HDAC9: variants seen among roughly 807,000 people sequenced by gnomAD.
HDAC9 encodes MEF-2 interacting transcription repressor (MITR) protein.
A neutral mutation model predicts 139.4 loss-of-function variants in HDAC9; 41 were observed. That is an observed-to-expected ratio of 0.29 (90% confidence interval 0.23 to 0.38). The LOEUF is 0.38. Ranked by LOEUF, HDAC9 falls within the 10% of genes least tolerant of loss-of-function variation. The pLI is 1.00. For synonymous variants in HDAC9, 517 were observed against 476.2 expected, an observed-to-expected ratio of 1.09 and a Z score of -1.12; for missense variants, 1,147 against 1,297.0, an observed-to-expected ratio of 0.88 and a Z score of 1.78.
chr7:18,110,373 A>C (rs1783532221), intron 1 of HDAC9, among the ~76,000 whole-genome samples: 1 of 152,184 alleles, frequency 6.6e-6, no homozygotes. Context: ...AGTACAGAGG[A>C]GGGGTCTTCC....
At chr7:18,704,159 C>T (rs1783709170) in intron 12 of HDAC9, among the ~76,000 whole-genome samples, 1 of 152,200 alleles carries the variant, frequency 6.6e-6, no homozygotes, top group East Asian at 1.9e-4. Flanking sequence ...GGCACCCAGG[C>T]ACTCTGGCCT....
chr7:18,793,379 C>T lies in HDAC9; in HGVS notation c.2249C>T (p.Ser750Leu). 2 of 1,583,584 alleles carry T rather than the reference C, an allele frequency of 1.3e-6. No homozygotes were observed. The highest frequency in any genetic ancestry group is 1.8e-5 in the Admixed American group (1 of 55,548). The change falls in exon 17 of 26, where the codon TCG becomes TTG. Residue 750 changes from serine (S) to leucine (L), a missense_variant. Physicochemically the swap from Ser to Leu is moderately radical, Grantham distance 145. Around this residue, in one of 7 missense-constraint regions of HDAC9, gnomAD observed 407 missense variants for 521.5 expected, o/e 0.78. Transcript: ENST00000686413. ...GACACCATTTGGAATGAGCTACACT[C>T]GTCCGGTGCTGCACGCATGGCTGTT... is the stretch of plus-strand genomic sequence containing the variant. ...DSDTIWNELH[S>L]SGAARMAVGC...
intron 12 of HDAC9, among the ~76,000 whole-genome samples, chr7:18,724,546 G>A (rs1324899360): frequency 6.6e-6 from 1 of 152,150 alleles, no homozygotes; most frequent in African/African-American, 2.4e-5. Flanking sequence ...GAAGGCCTAT[G>A]ACATTATTGC....
intron 18 of HDAC9, 43 bp from the exon 19 acceptor site, chr7:18,829,418 G>A (rs1795698005): frequency 7.1e-7 from 1 of 1,401,958 alleles, no homozygotes; most frequent in Non-Finnish European, 1.0e-6. Context: ...GGTTTTCCTG[G>A]ATGATTTGCT....
At chr7:18,672,813 A>T (rs17433123) in intron 12 of HDAC9, among the ~76,000 whole-genome samples, 1 of 151,982 alleles carries the variant, frequency 6.6e-6, no homozygotes, top group African/African-American at 2.4e-5. Flanking sequence ...TCATTTTCTC[A>T]TACTTTATCT....
At chr7:18,732,407 T>C (rs981309066) in intron 13 of HDAC9, among the ~76,000 whole-genome samples, 2 of 151,666 alleles carry the variant, frequency 1.3e-5, no homozygotes, top group African/African-American at 4.9e-5. Flanking sequence ...TGTATTTGTA[T>C]ACATATCTAT....
In HDAC9 at chr7:18,361,214, C is replaced by A. The variant is rs888134192; in HGVS notation, c.-42+70699C>A. On this transcript the variant is annotated intron_variant, in intron 1 of 3. Coordinates refer to the HDAC9 transcript ENST00000413509. ...GGAGAGATGTATTCCTTTGTCTGAT[C>A]AAACCTAGCAAGGAGAAAAACTGGG... Among the ~76,000 whole-genome samples, 5 of 152,056 alleles carry A rather than the reference C, an allele frequency of 3.3e-5. 1 individual carries two copies. The highest frequency in any genetic ancestry group is 3.3e-4 in the Admixed American group (5 of 15,264).
At chr7:18,230,505 C>G (rs1199757128) in intron 2 of HDAC9, among the ~76,000 whole-genome samples, 2 of 152,180 alleles carry the variant, frequency 1.3e-5, no homozygotes, top group African/African-American at 4.8e-5. Flanking sequence ...TTGTTCTCAG[C>G]ACCAGAATAG....
chr7:18,692,690 T>A (rs1186754600), intron 12 of HDAC9, among the ~76,000 whole-genome samples: 2 of 152,096 alleles, frequency 1.3e-5, no homozygotes, highest in Admixed American at 1.3e-4. Context: ...CTTTCTCACA[T>A]CATGTGGCTA....
intron 25 of HDAC9, among the ~76,000 whole-genome samples, chr7:18,984,701 T>A (rs914262505): frequency 1.3e-5 from 2 of 152,136 alleles, no homozygotes; most frequent in African/African-American, 4.8e-5. Flanking sequence ...AAATTAATAG[T>A]CTGGATGATA....
At chr7:18,482,912 C>G (rs1372432499) in intron 1 of HDAC9, among the ~76,000 whole-genome samples, 1 of 152,104 alleles carries the variant, frequency 6.6e-6, no homozygotes, top group Non-Finnish European at 1.5e-5. Context: ...TATTTGTTAT[C>G]TAAATATGAG....
intron 12 of HDAC9, among the ~76,000 whole-genome samples, chr7:18,683,254 T>A (rs1027997767): frequency 3.3e-5 from 5 of 151,888 alleles, no homozygotes; most frequent in Admixed American, 3.3e-4. Context: ...TACTCCAAAT[T>A]TTATTTGCAC....
At chr7:18,383,710 G>A (rs529121820) in intron 1 of HDAC9, among the ~76,000 whole-genome samples, 150 of 151,076 alleles carry the variant, frequency 9.9e-4, no homozygotes, top group African/African-American at 3.5e-3. Context: ...TGATGACCCC[G>A]TCTCTACTAA....
chr7:18,954,266 G>A (rs760266127), intron 24 of HDAC9, 36 bp downstream of exon 24: 11 of 1,225,336 alleles, frequency 9.0e-6, no homozygotes, highest in South Asian at 4.1e-5. Flanking sequence ...ATTCTAAGCA[G>A]GTAAAACTAA....
intron 12 of HDAC9, among the ~76,000 whole-genome samples, chr7:18,697,102 G>A (rs150103546): frequency 1.1e-4 from 17 of 152,154 alleles, no homozygotes; most frequent in East Asian, 7.7e-4. Context: ...CCTGAGGAAC[G>A]CATTCAAAGT....
chr7:18,159,072 CAAAG>C (rs1389095441), intron 1 of HDAC9, among the ~76,000 whole-genome samples: 2 of 152,148 alleles, frequency 1.3e-5, no homozygotes, highest in African/African-American at 2.4e-5. Flanking sequence ...TCTTAAGAGA[CAAAG>C]GATTCATAGC....
chr7:18,321,649 A>G (rs1800039367), intron 1 of HDAC9, among the ~76,000 whole-genome samples: 1 of 152,180 alleles, frequency 6.6e-6, no homozygotes, highest in Non-Finnish European at 1.5e-5. Context: ...TGCCTTTTTG[A>G]AGAAGGTTCA....
intron 1 of HDAC9, among the ~76,000 whole-genome samples, chr7:18,480,539 G>A (rs1349601750): frequency 1.3e-5 from 2 of 152,192 alleles, no homozygotes; most frequent in Admixed American, 6.5e-5. Flanking sequence ...AGAAGAGACA[G>A]AGATACCTGG....
intron 17 of HDAC9, among the ~76,000 whole-genome samples, chr7:18,828,542 CTT>C (rs1216929233): frequency 6.6e-5 from 10 of 152,142 alleles, no homozygotes; most frequent in Admixed American, 6.5e-4. Flanking sequence ...TAGAAATTGA[CTT>C]AGGGAATCCA....
Sources: allele counts gnomAD v4.1 joint callset (sites outside exome capture counted in the v4.1 genomes callset), GRCh38; gene constraint gnomAD v4.1.1; regional missense constraint gnomAD v4.1.1; transcripts MANE v1.5; gene names NCBI Gene and HGNC (gene_info 2026-07-23, HGNC 2026-07-21).